The following MARCHF6 variants were observed in gnomAD, a reference collection of about 807,000 sequenced individuals.
MARCHF6 encodes E3 ubiquitin-protein ligase MARCHF6.
In MARCHF6, 31 loss-of-function variants were observed where a neutral mutation model predicts 133.7. That is an observed-to-expected ratio of 0.23 (90% CI 0.17 to 0.31). MARCHF6 has a LOEUF of 0.31. Among genes scored for constraint, MARCHF6 ranks in the 10% least tolerant of loss-of-function variants. The pLI, the probability that MARCHF6 is intolerant of heterozygous loss-of-function variation, is 1.00. For missense variants in MARCHF6, 723 were observed against 1,121.6 expected, an observed-to-expected ratio of 0.64 and a Z score of 5.08; for synonymous variants, 395 against 402.5, an observed-to-expected ratio of 0.98 and a Z score of 0.22.
At chr5:10,353,991 C>T (rs1735269600) in intron 1 of MARCHF6, 74 bp downstream of exon 1, 1 of 1,446,826 alleles carries the variant, frequency 6.9e-7, no homozygotes, top group Non-Finnish European at 9.2e-7. Context: ...GTCCGCGGCG[C>T]TCGAGGTGGG....
At chr5:10,429,546 A>G (rs1032768113) in intron 24 of MARCHF6, among the ~76,000 whole-genome samples, 26 of 151,944 alleles carry the variant, frequency 1.7e-4, no homozygotes, top group Non-Finnish European at 3.4e-4. Context: ...CTACAGGTGC[A>G]ACGCCACCAC....
At chr5:10,403,575 T>C in intron 15 of MARCHF6, 34 bp downstream of exon 15, 1 of 1,570,088 alleles carries the variant, frequency 6.4e-7, no homozygotes, top group Non-Finnish European at 8.6e-7. Flanking sequence ...TGCTGTACAT[T>C]TATAAAAAGG....
At chr5:10,381,535 A>G (rs1342870470) in intron 3 of MARCHF6, among the ~76,000 whole-genome samples, 2 of 152,206 alleles carry the variant, frequency 1.3e-5, no homozygotes, top group Non-Finnish European at 2.9e-5. Context: ...GTTCATGGCT[A>G]TTAGCAAGGG....
intron 16 of MARCHF6, among the ~76,000 whole-genome samples, chr5:10,406,227 G>C (rs1362219023): frequency 6.6e-6 from 1 of 152,110 alleles, no homozygotes; most frequent in Non-Finnish European, 1.5e-5. Flanking sequence ...AATGGTTGGG[G>C]ACCACTGGTA....
intron 20 of MARCHF6, among the ~76,000 whole-genome samples, chr5:10,415,274 G>A (rs560397557): frequency 6.6e-5 from 10 of 152,238 alleles, no homozygotes; most frequent in African/African-American, 1.7e-4. Flanking sequence ...AGTAGAGCTC[G>A]CCTCCATTGA....
intron 22 of MARCHF6, among the ~76,000 whole-genome samples, chr5:10,418,346 C>G (rs1739635424): frequency 1.3e-5 from 2 of 149,988 alleles, no homozygotes; most frequent in Non-Finnish European, 3.0e-5. Context: ...TGCTACTGCA[C>G]TCCAGCCCGG....
At chr5:10,361,488 G>A (rs1735817698) in intron 1 of MARCHF6, among the ~76,000 whole-genome samples, 1 of 152,116 alleles carries the variant, frequency 6.6e-6, no homozygotes, top group South Asian at 2.1e-4. Context: ...TCTTCATGTA[G>A]TTGTCCCTCT....
intron 19 of MARCHF6, among the ~76,000 whole-genome samples, chr5:10,412,543 C>T (rs1333337990): frequency 2.0e-5 from 3 of 152,106 alleles, no homozygotes; most frequent in African/African-American, 7.2e-5. Flanking sequence ...GCACATTAGG[C>T]ATGGTGGGCT....
At chr5:10,384,080 T>C (rs1245225787) in intron 4 of MARCHF6, among the ~76,000 whole-genome samples, 3 of 152,176 alleles carry the variant, frequency 2.0e-5, no homozygotes, top group Admixed American at 2.0e-4. Context: ...GTAAATGGTA[T>C]GGCAGCAATC....
rs1396031512 is a variant in MARCHF6 at position 10,426,416 on chromosome 5, T to C, written c.2400T>C (p.Ile800=). ...EQVYANGIRN[I]DLHYIVRKLA... ...TTTACGCAAATGGCATCCGGAACAT[T>C]GACCTTCACTATATTGTTCGTAAAC... Residue 800 remains isoleucine, a synonymous_variant, in exon 24 of 26, where the codon ATT becomes ATC. Transcript: ENST00000274140. 4.3e-6 allele frequency: 7 copies of C among 1,613,948 alleles called. No individual in the cohort carries two copies. Among genetic ancestry groups the C allele is most frequent in the African/African-American group, 1.3e-5 (1 of 75,060 alleles).
rs142397012 is a variant in MARCHF6, at chr5:10,413,644, C to T, written c.1897-789C>T. Among the ~76,000 whole-genome samples, 378 of 152,312 alleles carry T rather than the reference C, an allele frequency of 2.5e-3. 2 individuals carry two copies. Among genetic ancestry groups the T allele is most frequent in the African/African-American group, 8.7e-3 (362 of 41,574 alleles). On this transcript the variant is annotated intron_variant, in intron 19 of 25. Transcript: ENST00000274140. The stretch of plus-strand genomic sequence containing the variant: ...ATAGCATTCACATGGCTGGGGAGGC[C>T]TCACAATCATGGTGGAAGGTGAATG...
rs374960965 is a variant in MARCHF6, at chr5:10,391,557, A to G, written c.592A>G (p.Asn198Asp). The G allele has an allele frequency of 3.2e-5, 51 of 1,607,998 alleles. No homozygotes were observed. In the African/African-American group the frequency reaches 4.9e-4, roughly 15 times the overall value. ...HHQNEAPAGG[N>D]GAENVAADQP... ...GTGATTTTAGGCTCCAGCAGGAGGA[A>G]ATGGTGCAGAAAATGTTGCTGCTGA... is the stretch of plus-strand genomic sequence containing the variant. Residue 198 changes from asparagine to aspartate, a missense_variant, in exon 7 of 26, where the codon AAT becomes GAT. Around this residue, in one of 4 missense-constraint regions of MARCHF6, gnomAD observed 97 missense variants for 115.4 expected, o/e 0.84. Coordinates refer to ENST00000274140, the MANE Select transcript of MARCHF6 (RefSeq NM_005885.4).
intron 4 of MARCHF6, among the ~76,000 whole-genome samples, chr5:10,386,647 A>G (rs1019802076): frequency 1.3e-5 from 2 of 152,190 alleles, no homozygotes; most frequent in African/African-American, 4.8e-5. Flanking sequence ...GACTTAATGA[A>G]TTTTGGAATT....
chr5:10,424,747 TAAAAG>T (rs1739996771), intron 23 of MARCHF6, among the ~76,000 whole-genome samples: 1 of 152,150 alleles, frequency 6.6e-6, no homozygotes, highest in Non-Finnish European at 1.5e-5. Flanking sequence ...CTCGAGGTAA[TAAAAG>T]AAGACAGAGG....
intron 1 of MARCHF6, among the ~76,000 whole-genome samples, chr5:10,363,851 C>G (rs139401015): frequency 1.3e-5 from 2 of 152,234 alleles, no homozygotes; most frequent in East Asian, 3.9e-4. Context: ...ATAAGCCAGT[C>G]ACAAAAGAAC....
chr5:10,377,962 A>G, intron 2 of MARCHF6, 68 bp downstream of exon 2: 6 of 837,520 alleles, frequency 7.2e-6, no homozygotes, highest in Non-Finnish European at 1.2e-5. Context: ...AGTAACAGGG[A>G]TCATTTCAAT....
intron 7 of MARCHF6, 130 bp from the exon 8 acceptor site, chr5:10,393,952 G>A (rs1486213945): frequency 4.8e-6 from 2 of 417,284 alleles, no homozygotes; most frequent in Non-Finnish European, 8.7e-6. Context: ...TACTCAGTAT[G>A]GAAATGTGGC....
rs1740770896 is a variant in MARCHF6 at position 10,439,383 on chromosome 5, G to GAAAAGATTTCTTAAATCC, written c.*5702_*5719dup. ...GAAAACGTGTTCAGCCTTGGGTTAG[G>GAAAAGATTTCTTAAATCC]AAAAGATTTCTTAAATCCAACACCA... On this transcript the variant is annotated 3_prime_UTR_variant, in exon 26 of 26. Coordinates refer to ENST00000274140, the MANE Select transcript of MARCHF6 (RefSeq NM_005885.4). The GAAAAGATTTCTTAAATCC allele has an allele frequency of 6.6e-6, 1 of 152,130 alleles. No homozygotes were observed. The highest frequency in any genetic ancestry group is 6.5e-5 in the Admixed American group (1 of 15,276). The allele number at this position is 152,130 out of a possible 1,614,324, so 9.4% of individuals were successfully genotyped here.
chr5:10,380,878 G>C (rs762064986), intron 3 of MARCHF6, among the ~76,000 whole-genome samples: 2 of 149,814 alleles, frequency 1.3e-5, no homozygotes, highest in African/African-American at 2.5e-5. Context: ...AGTGAGCTGA[G>C]ATTATGCCAC....
Sources: gnomAD v4.1 joint callset for allele counts (sites outside exome capture counted in the v4.1 genomes callset) on GRCh38, gnomAD v4.1.1 for gene constraint, gnomAD v4.1.1 regional missense constraint, MANE v1.5 for transcripts, NCBI Gene and HGNC (gene_info 2026-07-23, HGNC 2026-07-21) for gene names.